KIAA0825: variants seen among roughly 807,000 people sequenced by gnomAD.
KIAA0825 encodes the protein uncharacterized protein KIAA0825.
A neutral mutation model predicts 147.6 loss-of-function variants in KIAA0825; 119 were observed. The ratio of observed to expected loss-of-function variants is 0.81; its 90% CI spans 0.69 to 0.94. KIAA0825 has a LOEUF of 0.94. Among genes scored for constraint, KIAA0825 ranks in the 40% least tolerant of loss-of-function variants. The pLI is 0.00. For missense variants in KIAA0825, 1,381 were observed against 1,472.7 expected (o/e 0.94, Z 1.02); for synonymous variants, 470 against 518.1 (o/e 0.91, Z 1.26).
intron 2 of KIAA0825, among the ~76,000 whole-genome samples, chr5:94,547,528 G>A (rs1774656334): frequency 6.6e-6 from 1 of 151,974 alleles, no homozygotes; most frequent in Non-Finnish European, 1.5e-5. Context: ...GCCAGGTCAG[G>A]GGTTCAAGAC....
In KIAA0825 at chr5:94,159,025, G is replaced by A. The variant is rs62367164; in HGVS notation, c.3711-4901C>T. ...TGTCCTCATCTAATAAGAATGCAGA[G>A]GTGGGTGATTGCTGGCATAGGTTAA... On this transcript the variant is annotated intron_variant, in intron 20 of 20. Coordinates refer to ENST00000682413, the MANE Select transcript of KIAA0825 (RefSeq NM_001145678.3). 5.7e-3 allele frequency among the ~76,000 whole-genome samples: 866 copies of A among 152,280 alleles called. 8 individuals are homozygous for A. Among genetic ancestry groups the A allele is most frequent in the Non-Finnish European group, 7.0e-3 (474 of 68,022 alleles).
At chr5:94,362,965 G>T (rs903101142) in intron 20 of KIAA0825, among the ~76,000 whole-genome samples, 2 of 152,080 alleles carry the variant, frequency 1.3e-5, no homozygotes, top group African/African-American at 2.4e-5. Flanking sequence ...TATCTATTCC[G>T]TAACTATCTT....
intron 14 of KIAA0825, among the ~76,000 whole-genome samples, chr5:94,432,481 T>C (rs936607328): frequency 6.6e-6 from 1 of 152,300 alleles, no homozygotes. Context: ...AATAATTTTA[T>C]GGAGCCCACT....
chr5:94,280,551 C>T (rs1314078407), intron 20 of KIAA0825, among the ~76,000 whole-genome samples: 3 of 152,006 alleles, frequency 2.0e-5, no homozygotes, highest in Non-Finnish European at 2.9e-5. Context: ...TTGCAAACCA[C>T]GTGAATATAA....
At chr5:94,546,670 T>G (rs1363986497) in intron 2 of KIAA0825, among the ~76,000 whole-genome samples, 3 of 151,562 alleles carry the variant, frequency 2.0e-5, no homozygotes, top group African/African-American at 7.3e-5. Context: ...AACCATAGTG[T>G]AACTGGGCAT....
chr5:94,612,277 A>G (rs1419341888), intron 1 of KIAA0825, among the ~76,000 whole-genome samples: 1 of 152,218 alleles, frequency 6.6e-6, no homozygotes, highest in East Asian at 1.9e-4. Flanking sequence ...ATGTATTTGT[A>G]AGTTTTAGCA....
At position 94,391,670 on chromosome 5, in the gene KIAA0825, G is replaced by A; in HGVS notation, c.3321C>T (p.Ser1107=). 2 of 1,548,106 alleles carry A rather than the reference G, an allele frequency of 1.3e-6. No homozygotes were observed. The highest frequency in any genetic ancestry group is 8.7e-7 in the Non-Finnish European group (1 of 1,145,316). ...CAACATCTCCTTCTTGTAAGGCCGT[G>A]CTTTTCTCTATTGTCATAAATGCAC... ...TECAFMTIEK[S]TALQEGDVAL... is the part of the protein sequence containing the mutation. The change falls in exon 18 of 21, where the codon AGC becomes AGT. Residue 1107 remains serine, a synonymous_variant. Transcript: ENST00000682413.
At chr5:94,249,962 C>T (rs1000332947) in intron 20 of KIAA0825, among the ~76,000 whole-genome samples, 5 of 151,994 alleles carry the variant, frequency 3.3e-5, no homozygotes, top group Non-Finnish European at 4.4e-5. Flanking sequence ...CCAGTAAATA[C>T]GTTTTTGATG....
At position 94,210,357 on chromosome 5, in the gene KIAA0825, A is replaced by G. The variant is rs145630842; in HGVS notation, c.3711-56233T>C. On this transcript the variant is annotated intron_variant, in intron 20 of 20. Transcript: ENST00000682413. ...TAGTGCACTTGCTGCTGCAGAAGAAAATCCTTATAACATAATGATGCTGCA... is the reference window on the plus strand; with the variant it reads ...TAGTGCACTTGCTGCTGCAGAAGAAGATCCTTATAACATAATGATGCTGCA... Among the ~76,000 whole-genome samples, 5 of 152,338 alleles carry G rather than the reference A, an allele frequency of 3.3e-5. No homozygotes were observed. In the East Asian group the frequency reaches 9.6e-4, roughly 29 times the overall value.
At position 94,288,697 on chromosome 5, in the gene KIAA0825, C is replaced by A. The variant is rs572412057; in HGVS notation, c.3710+95671G>T. ...AGAAAAAACTTAAATTCTGTAGCAG[C>A]TTTTGTAAAAATAATGGAAACTTTT... On this transcript the variant is annotated intron_variant, in intron 20 of 20. Coordinates refer to ENST00000682413, the MANE Select transcript of KIAA0825 (RefSeq NM_001145678.3). Among the ~76,000 whole-genome samples, 17 of 152,272 alleles carry A rather than the reference C, an allele frequency of 1.1e-4. No individual in the cohort carries two copies. The South Asian group carries it at 2.7e-3, about 24-fold the overall frequency.
chr5:94,481,253 G>A (rs1389950642), intron 6 of KIAA0825, among the ~76,000 whole-genome samples: 1 of 152,042 alleles, frequency 6.6e-6, no homozygotes, highest in Non-Finnish European at 1.5e-5. Flanking sequence ...CCCCTACAGA[G>A]TTCTTTGTGG....
At chr5:94,190,502 T>C (rs953683010) in intron 20 of KIAA0825, among the ~76,000 whole-genome samples, 1 of 148,410 alleles carries the variant, frequency 6.7e-6, no homozygotes, top group African/African-American at 2.5e-5. Flanking sequence ...TTTTTTTTTT[T>C]TTTTTTTTTT....
rs1362762302 is a variant in KIAA0825, at chr5:94,152,759, G to T, written c.*1248C>A. ...GAGCCTATGAGTTTGAGGTTACATT[G>T]AACTATGATCATGCCACTGCACTAC... On this transcript the variant is annotated 3_prime_UTR_variant, in exon 21 of 21. Transcript: ENST00000682413. 1.6e-5 allele frequency among the ~76,000 whole-genome samples: 2 copies of T among 128,700 alleles called. No individual in the cohort carries two copies. The highest frequency in any genetic ancestry group is 5.1e-4 in the East Asian group (2 of 3,898). 84.4% of individuals were successfully genotyped at this position (128,700 alleles called of 152,430 possible). A position where few individuals can be genotyped will look rare whatever the true frequency, so the allele number is the denominator to read the frequency against.
chr5:94,224,164 GC>G (rs1005808551), intron 20 of KIAA0825, among the ~76,000 whole-genome samples: 1 of 126,498 alleles, frequency 7.9e-6, no homozygotes, highest in African/African-American at 3.0e-5. Context: ...CACAATCTCG[GC>G]TCACTACAAC....
chr5:94,583,105 G>A (rs775561780), intron 1 of KIAA0825, among the ~76,000 whole-genome samples: 17 of 152,086 alleles, frequency 1.1e-4, no homozygotes, highest in South Asian at 2.1e-4. Flanking sequence ...CAGCGAGATC[G>A]ACGCATAAGA....
chr5:94,368,624 G>C (rs1385409232), intron 20 of KIAA0825, among the ~76,000 whole-genome samples: 3 of 152,140 alleles, frequency 2.0e-5, no homozygotes, highest in African/African-American at 7.2e-5. Context: ...TGAGAGTGGA[G>C]GCATATGGGA....
chr5:94,247,545 C>G (rs918325071), intron 20 of KIAA0825, among the ~76,000 whole-genome samples: 6 of 152,058 alleles, frequency 3.9e-5, no homozygotes, highest in African/African-American at 1.4e-4. Context: ...TTTCCTGACT[C>G]CCTGAGACCA....
At chr5:94,429,184 G>T (rs1022924916) in intron 14 of KIAA0825, among the ~76,000 whole-genome samples, 12 of 152,102 alleles carry the variant, frequency 7.9e-5, no homozygotes, top group African/African-American at 2.9e-4. Flanking sequence ...TCGTTCTTCT[G>T]TCCTTTCTGA....
At chr5:94,251,554 A>C (rs1274905682) in intron 20 of KIAA0825, among the ~76,000 whole-genome samples, 1 of 152,102 alleles carries the variant, frequency 6.6e-6, no homozygotes, top group Non-Finnish European at 1.5e-5. Context: ...CAAACAACTT[A>C]GATTTATTCC....
Sources: allele counts gnomAD v4.1 joint callset (sites outside exome capture counted in the v4.1 genomes callset), GRCh38; gene constraint gnomAD v4.1.1; transcripts MANE v1.5; gene names NCBI Gene and HGNC (gene_info 2026-07-23, HGNC 2026-07-21).